GLDC: variants seen among roughly 807,000 people sequenced by gnomAD.
The protein encoded by GLDC is glycine dehydrogenase (decarboxylating), mitochondrial.
GLDC carries 104 observed loss-of-function variants against 121.3 expected under a neutral mutation model. That is an observed-to-expected ratio of 0.86 (90% CI 0.73 to 1.01). GLDC has a LOEUF of 1.01. GLDC is among the 50% of genes least tolerant of loss of function. The pLI is 0.00. For missense variants in GLDC, 1,429 were observed against 1,306.6 expected (o/e 1.09, Z -1.44); for synonymous variants, 546 against 480.6 (o/e 1.14, Z -1.78).
chr9:6,619,701 C>G (rs571612235), intron 3 of GLDC, among the ~76,000 whole-genome samples: 1 of 152,304 alleles, frequency 6.6e-6, no homozygotes, highest in Admixed American at 6.5e-5. Flanking sequence ...GCACTCCAGA[C>G]TGGGATACAC....
chr9:6,553,600 C>A, intron 19 of GLDC, 91 bp from the exon 20 acceptor site: 2 of 1,274,782 alleles, frequency 1.6e-6, no homozygotes. Context: ...AAGCCTTGTT[C>A]TTAGCAGAGG....
intron 21 of GLDC, among the ~76,000 whole-genome samples, chr9:6,550,418 G>T (rs979446795): frequency 6.6e-6 from 1 of 152,136 alleles, no homozygotes; most frequent in African/African-American, 2.4e-5. Context: ...CCTGAGGTCA[G>T]GAGTTCGAGA....
chr9:6,617,312 C>T (rs1289305705), intron 3 of GLDC, among the ~76,000 whole-genome samples: 8 of 152,172 alleles, frequency 5.3e-5, no homozygotes, highest in African/African-American at 1.7e-4. Flanking sequence ...ACATCATCTC[C>T]TTCTCAAAAC....
intron 4 of GLDC, among the ~76,000 whole-genome samples, chr9:6,608,448 T>C (rs528535653): frequency 1.2e-4 from 17 of 143,016 alleles, no homozygotes; most frequent in Non-Finnish European, 2.1e-4. Context: ...TTAAAACAAA[T>C]AAATTAACTC....
chr9:6,578,163 C>G (rs1235780892), intron 15 of GLDC, among the ~76,000 whole-genome samples: 1 of 151,998 alleles, frequency 6.6e-6, no homozygotes, highest in East Asian at 1.9e-4. Flanking sequence ...TGCTCTGTCA[C>G]AGGCTGGGGT....
chr9:6,569,618 C>T (rs1214931081), intron 15 of GLDC, among the ~76,000 whole-genome samples: 1 of 152,140 alleles, frequency 6.6e-6, no homozygotes, highest in Non-Finnish European at 1.5e-5. Context: ...CACCACTGCA[C>T]TCTAGCCTGG....
chr9:6,566,733 C>T (rs1223912838), intron 15 of GLDC, among the ~76,000 whole-genome samples: 1 of 151,674 alleles, frequency 6.6e-6, no homozygotes, highest in Non-Finnish European at 1.5e-5. Context: ...TGTATGTCTG[C>T]GAAGCTGAAG....
In GLDC at chr9:6,645,178, A is replaced by T. The variant is rs1819716536; in HGVS notation, c.255+67T>A. On this transcript the variant is annotated intron_variant, in intron 1 of 24. Coordinates refer to ENST00000321612, the MANE Select transcript of GLDC (RefSeq NM_000170.3). The stretch of plus-strand genomic sequence containing the variant: ...AGCAGAGCTCAGGGTAGGAGCCGGG[A>T]GGCCGCGCAGGCAGAGCCCGGGCAG... 3.5e-6 allele frequency: 5 copies of T among 1,447,642 alleles called. No individual in the cohort carries two copies. In the South Asian group the frequency reaches 4.0e-5, roughly 12 times the overall value. 89.7% of individuals were successfully genotyped at this position (1,447,642 alleles called of 1,614,324 possible).
chr9:6,644,008 T>C (rs1211591052), intron 2 of GLDC, among the ~76,000 whole-genome samples: 1 of 98,192 alleles, frequency 1.0e-5, no homozygotes, highest in African/African-American at 4.2e-5. Flanking sequence ...CACTCCAGCC[T>C]GGGCGACAGA....
In GLDC at chr9:6,598,120, C is replaced by G. The variant is rs568849378; in HGVS notation, c.1156-3001G>C. On this transcript the variant is annotated intron_variant, in intron 8 of 24. Transcript: ENST00000321612. ...TGCAGCTCACTGCAGCCTGGACCTC[C>G]CCAGCTCAAGCACTCCTACCACCTC... 1.3e-3 allele frequency among the ~76,000 whole-genome samples: 198 copies of G among 152,232 alleles called. 2 individuals are homozygous for G. Among genetic ancestry groups the G allele is most frequent in the African/African-American group, 4.2e-3 (174 of 41,540 alleles).
At position 6,567,715 on chromosome 9, in the gene GLDC, T is replaced by C. The variant is rs575588662; in HGVS notation, c.1851-2286A>G. On this transcript the variant is annotated intron_variant, in intron 15 of 24. Transcript: ENST00000321612. ...ATCCTCTACCTCCTCCAAATTATCA[T>C]AGCATTTTACTCTACAATCTTATCT... 2.0e-5 allele frequency among the ~76,000 whole-genome samples: 3 copies of C among 152,212 alleles called. No individual in the cohort carries two copies. The South Asian group carries it at 6.2e-4, about 31-fold the overall frequency.
At chr9:6,610,442 G>A (rs979820263) in intron 3 of GLDC, 86 bp from the exon 4 acceptor site, 165 of 1,358,910 alleles carry the variant, frequency 1.2e-4, no homozygotes, top group Non-Finnish European at 1.6e-4. Flanking sequence ...TTCAGTACCT[G>A]AAAATAATTT....
chr9:6,643,374 T>A (rs1329726795), intron 2 of GLDC, among the ~76,000 whole-genome samples: 2 of 151,202 alleles, frequency 1.3e-5, no homozygotes, highest in African/African-American at 4.9e-5. Flanking sequence ...ATAGGCTCCA[T>A]ACCTCAAATG....
intron 2 of GLDC, among the ~76,000 whole-genome samples, chr9:6,640,349 C>T (rs1158182641): frequency 6.6e-6 from 1 of 152,234 alleles, no homozygotes; most frequent in Non-Finnish European, 1.5e-5. Context: ...ACAGGCAGGA[C>T]CTGGCAATGG....
intron 8 of GLDC, among the ~76,000 whole-genome samples, chr9:6,595,866 T>C (rs756703433): frequency 6.6e-6 from 1 of 152,232 alleles, no homozygotes; most frequent in South Asian, 2.1e-4. Context: ...GGGTCCATTT[T>C]GTTAGGTACA....
chr9:6,631,460 T>G (rs1819375965), intron 2 of GLDC, among the ~76,000 whole-genome samples: 1 of 152,242 alleles, frequency 6.6e-6, no homozygotes, highest in Non-Finnish European at 1.5e-5. Flanking sequence ...GTTATTTTAC[T>G]CCTTGAACTT....
intron 21 of GLDC, among the ~76,000 whole-genome samples, chr9:6,550,344 T>C (rs1047465152): frequency 1.3e-5 from 2 of 152,190 alleles, no homozygotes; most frequent in Non-Finnish European, 2.9e-5. Context: ...AGTGGTGTTA[T>C]GGCTGGGCGT....
At chr9:6,585,924 T>A (rs1250523509) in intron 15 of GLDC, among the ~76,000 whole-genome samples, 1 of 147,184 alleles carries the variant, frequency 6.8e-6, no homozygotes, top group Admixed American at 6.8e-5. Context: ...TCATCTATCA[T>A]CATGAAGGCA....
intron 15 of GLDC, among the ~76,000 whole-genome samples, chr9:6,576,923 G>A (rs1174786329): frequency 6.6e-6 from 1 of 152,116 alleles, no homozygotes; most frequent in Non-Finnish European, 1.5e-5. Flanking sequence ...TGACTTGGTA[G>A]GAAGCCACAT....
Sources: allele counts gnomAD v4.1 joint callset (sites outside exome capture counted in the v4.1 genomes callset), GRCh38; gene constraint gnomAD v4.1.1; transcripts MANE v1.5; gene names NCBI Gene and HGNC (gene_info 2026-07-23, HGNC 2026-07-21).